The following KIAA1217 variants were observed in gnomAD, a reference collection of about 807,000 sequenced individuals.
KIAA1217 encodes KIAA1217.
KIAA1217 carries 88 observed loss-of-function variants against 163.9 expected under a neutral mutation model. The observed-to-expected ratio is 0.54, with a 90% CI of 0.45 to 0.64. KIAA1217 has a LOEUF of 0.64. KIAA1217 is among the 30% of genes least tolerant of loss of function. The pLI is 0.00. For missense variants in KIAA1217, 2,372 were observed against 2,475.0 expected, an observed-to-expected ratio of 0.96 and a Z score of 0.88; for synonymous variants, 903 against 923.1, an observed-to-expected ratio of 0.98 and a Z score of 0.39.
chr10:23,975,863 T>C (rs1237433928), intron 1 of KIAA1217, among the ~76,000 whole-genome samples: 9 of 152,302 alleles, frequency 5.9e-5, no homozygotes, highest in South Asian at 4.1e-4. Context: ...GGCAGTTCCA[T>C]GGCAATTGTT....
At chr10:24,087,777 C>T (rs1422944918) in intron 2 of KIAA1217, among the ~76,000 whole-genome samples, 1 of 152,140 alleles carries the variant, frequency 6.6e-6, no homozygotes, top group Non-Finnish European at 1.5e-5. Flanking sequence ...TTCTTGCTCA[C>T]AGTGACAGAC....
chr10:24,129,308 G>T (rs1477019577), intron 2 of KIAA1217, among the ~76,000 whole-genome samples: 2 of 152,130 alleles, frequency 1.3e-5, no homozygotes, highest in African/African-American at 4.8e-5. Flanking sequence ...CTACTCAAGG[G>T]CATCAGAGAA....
chr10:24,175,664 T>C (rs1589778450), intron 2 of KIAA1217, among the ~76,000 whole-genome samples: 1 of 152,064 alleles, frequency 6.6e-6, no homozygotes, highest in African/African-American at 2.4e-5. Context: ...TTAAAGATGG[T>C]GTGTCCAGAG....
At chr10:24,462,462 C>A (rs1054699328) in intron 5 of KIAA1217, among the ~76,000 whole-genome samples, 3 of 152,148 alleles carry the variant, frequency 2.0e-5, no homozygotes, top group African/African-American at 7.2e-5. Flanking sequence ...TCGTTCTTTG[C>A]AGAATAGCTT....
At chr10:24,328,965 T>G (rs2045307315) in intron 2 of KIAA1217, among the ~76,000 whole-genome samples, 1 of 151,442 alleles carries the variant, frequency 6.6e-6, no homozygotes, top group Non-Finnish European at 1.5e-5. Flanking sequence ...ATATCACATT[T>G]GTAGTATATT....
At chr10:24,508,326 A>G (rs1249061597) in intron 9 of KIAA1217, among the ~76,000 whole-genome samples, 1 of 152,174 alleles carries the variant, frequency 6.6e-6, no homozygotes, top group Non-Finnish European at 1.5e-5. Context: ...AGCGCTCTAG[A>G]AGTAGAAGGA....
chr10:24,086,182 A>T (rs2061693545), intron 2 of KIAA1217, among the ~76,000 whole-genome samples: 1 of 152,138 alleles, frequency 6.6e-6, no homozygotes, highest in Admixed American at 6.5e-5. Context: ...CTTTAAAAGG[A>T]GATTACTAAA....
chr10:24,363,106 T>C (rs1195302745), intron 2 of KIAA1217, among the ~76,000 whole-genome samples: 5 of 152,202 alleles, frequency 3.3e-5, no homozygotes, highest in South Asian at 2.1e-4. Flanking sequence ...TGCCTTGTTA[T>C]AGAATTATAT....
At chr10:24,217,405 G>A (rs2130808006) in intron 1 of KIAA1217, among the ~76,000 whole-genome samples, 1 of 152,258 alleles carries the variant, frequency 6.6e-6, no homozygotes, top group South Asian at 2.1e-4. Flanking sequence ...GACTAATTTG[G>A]CTGTGCTTTT....
chr10:24,520,643 A>AT (rs1554926707), intron 11 of KIAA1217, among the ~76,000 whole-genome samples: 22 of 88,098 alleles, frequency 2.5e-4, no homozygotes, highest in East Asian at 2.0e-3. Context: ...AAAAAAAAAA[A>AT]AAAAAAAAAT....
chr10:23,808,401 T>C lies in KIAA1217; in HGVS notation c.-321+113167T>C, dbSNP rs553907265. Reference sequence around the variant, plus strand: ...AAACATCAATTCAGGTTATTTAGGATGTTCAAGAACCAGAGAAAGAAGAAA... The same window carrying C: ...AAACATCAATTCAGGTTATTTAGGACGTTCAAGAACCAGAGAAAGAAGAAA... On this transcript the variant is annotated intron_variant, in intron 1 of 18. Coordinates refer to the KIAA1217 transcript ENST00000376462. Among the ~76,000 whole-genome samples the C allele has an allele frequency of 3.5e-4, 53 of 152,340 alleles. No individual in the cohort carries two copies. In the South Asian group the frequency reaches 3.7e-3, roughly 11 times the overall value.
At chr10:23,824,773 A>T (rs1400650671) in intron 1 of KIAA1217, among the ~76,000 whole-genome samples, 5 of 150,496 alleles carry the variant, frequency 3.3e-5, no homozygotes, top group Middle Eastern at 3.5e-3. Context: ...GGTTAACTGA[A>T]GGTCCTGTGG....
chr10:24,418,657 ATC>A (rs1425357026), intron 3 of KIAA1217, among the ~76,000 whole-genome samples: 10 of 152,180 alleles, frequency 6.6e-5, no homozygotes, highest in East Asian at 3.8e-4. Context: ...AAAGTCCATA[ATC>A]TCTGCGCCTA....
intron 2 of KIAA1217, among the ~76,000 whole-genome samples, chr10:24,112,578 T>TTTCA: frequency 6.6e-6 from 1 of 152,006 alleles, no homozygotes; most frequent in African/African-American, 2.4e-5. Context: ...AGTGCTCTTT[T>TTTCA]TTTTATTTTA....
chr10:24,069,100 A>G (rs2131623286), intron 2 of KIAA1217, among the ~76,000 whole-genome samples: 1 of 152,324 alleles, frequency 6.6e-6, no homozygotes, highest in Middle Eastern at 3.4e-3. Context: ...CTCTGCATTG[A>G]GCCAGGGGGC....
At chr10:24,372,291 G>T (rs1237613371) in intron 2 of KIAA1217, among the ~76,000 whole-genome samples, 1 of 152,090 alleles carries the variant, frequency 6.6e-6, no homozygotes, top group Non-Finnish European at 1.5e-5. Context: ...GGAAAGAAAC[G>T]TTAAGAACAC....
intron 1 of KIAA1217, among the ~76,000 whole-genome samples, chr10:23,967,857 T>G (rs1845132153): frequency 6.6e-6 from 1 of 151,944 alleles, no homozygotes; most frequent in Admixed American, 6.6e-5. Flanking sequence ...AGACATTAGG[T>G]AAGTTCTAGT....
At chr10:23,730,343 C>T (rs1838407322) in intron 1 of KIAA1217, among the ~76,000 whole-genome samples, 1 of 152,086 alleles carries the variant, frequency 6.6e-6, no homozygotes, top group South Asian at 2.1e-4. Context: ...TGTCAAATAT[C>T]AGGTGATGCT....
chr10:24,436,109 C>A (rs112505631), intron 4 of KIAA1217, among the ~76,000 whole-genome samples: 6,670 of 152,128 alleles, frequency 0.044, 481 homozygotes, highest in African/African-American at 0.15. Context: ...GATCTGCCCA[C>A]CTCGGCCTCC....
Sources: allele counts gnomAD v4.1 joint callset (sites outside exome capture counted in the v4.1 genomes callset), GRCh38; gene constraint gnomAD v4.1.1; transcripts MANE v1.5; gene names NCBI Gene and HGNC (gene_info 2026-07-23, HGNC 2026-07-21).